The following SULT1E1 variants were observed in gnomAD, a reference collection of about 807,000 sequenced individuals.
The protein encoded by SULT1E1 is sulfotransferase family 1E member 1.
In SULT1E1, 36 loss-of-function variants were observed where a neutral mutation model predicts 33.6. That is an observed-to-expected ratio of 1.07 (90% CI 0.82 to 1.41). SULT1E1 has a LOEUF of 1.41. Ranked by LOEUF, SULT1E1 falls within the 40% of genes most tolerant of loss-of-function variation. The pLI is 0.00. For synonymous variants in SULT1E1, 121 were observed against 111.7 expected (o/e 1.08, Z -0.53); for missense variants, 371 against 345.7 (o/e 1.07, Z -0.58).
downstream of SULT1E1, among the ~76,000 whole-genome samples, chr4:69,841,033 C>T (rs1439205687): frequency 6.6e-6 from 1 of 151,740 alleles, no homozygotes; most frequent in Non-Finnish European, 1.5e-5. Context: ...GCCTGGGAGA[C>T]AGAGTGAGAC....
intron 4 of SULT1E1, among the ~76,000 whole-genome samples, chr4:69,851,591 A>G (rs1019599851): frequency 1.3e-5 from 2 of 152,164 alleles, no homozygotes; most frequent in African/African-American, 2.4e-5. Flanking sequence ...CTAGAACTAG[A>G]AATACCATTT....
At chr4:69,840,964 G>C (rs950237435), downstream of SULT1E1, among the ~76,000 whole-genome samples, 1 of 152,028 alleles carries the variant, frequency 6.6e-6, no homozygotes, top group Non-Finnish European at 1.5e-5. Context: ...GAGAATGGCG[G>C]GAACCCAGGA....
At chr4:69,837,005 C>T (rs1448427134), downstream of SULT1E1, among the ~76,000 whole-genome samples, 1 of 151,982 alleles carries the variant, frequency 6.6e-6, no homozygotes, top group African/African-American at 2.4e-5. Flanking sequence ...ATGAAATAAG[C>T]CCAGGAGTTT....
the SULT1E1 span, among the ~76,000 whole-genome samples, chr4:69,822,203 G>T: frequency 0.044 from 6,668 of 152,198 alleles, 215 homozygotes; most frequent in East Asian, 0.082. Flanking sequence ...ACAGATCAGG[G>T]TAACTTATTC....
intron 4 of SULT1E1, among the ~76,000 whole-genome samples, chr4:69,853,762 T>G (rs1212795579): frequency 6.6e-6 from 1 of 152,174 alleles, no homozygotes; most frequent in Non-Finnish European, 1.5e-5. Flanking sequence ...TTATCTGACC[T>G]ATCCTTTTAT....
chr4:69,848,541 AC>A, intron 5 of SULT1E1, among the ~76,000 whole-genome samples: 1 of 152,070 alleles, frequency 6.6e-6, no homozygotes, highest in South Asian at 2.1e-4. Flanking sequence ...AAAATGTTCT[AC>A]AGTGAAATTT....
chr4:69,831,589 G>GA, the SULT1E1 span, among the ~76,000 whole-genome samples: 1 of 152,132 alleles, frequency 6.6e-6, no homozygotes, highest in Non-Finnish European at 1.5e-5. Context: ...ATAATCCCCT[G>GA]AAAAAACTTT....
the SULT1E1 span, among the ~76,000 whole-genome samples, chr4:69,829,120 T>C: frequency 3.7e-3 from 560 of 152,242 alleles, 5 homozygotes; most frequent in African/African-American, 0.013. Flanking sequence ...AAAAACCAAG[T>C]GGCACTTGCT....
intron 4 of SULT1E1, among the ~76,000 whole-genome samples, chr4:69,850,585 C>T (rs1233536387): frequency 1.3e-5 from 2 of 152,026 alleles, no homozygotes; most frequent in Non-Finnish European, 2.9e-5. Context: ...CCATCATTAG[C>T]CATATTGAAC....
the SULT1E1 span, among the ~76,000 whole-genome samples, chr4:69,833,968 C>G: frequency 6.6e-6 from 1 of 152,290 alleles, no homozygotes; most frequent in East Asian, 1.9e-4. Context: ...CATTTTACCA[C>G]TCCATCCTTT....
At chr4:69,853,375 TCTTAA>T (rs1174206654) in intron 4 of SULT1E1, among the ~76,000 whole-genome samples, 1 of 152,158 alleles carries the variant, frequency 6.6e-6, no homozygotes, top group East Asian at 1.9e-4. Flanking sequence ...AGTCCAAACA[TCTTAA>T]CTTGACTTTC....
At chr4:69,829,738 A>AG in the SULT1E1 span, among the ~76,000 whole-genome samples, 10 of 152,332 alleles carry the variant, frequency 6.6e-5, no homozygotes, top group African/African-American at 2.2e-4. Flanking sequence ...TTTGACCGAT[A>AG]GAAAGGCCTT....
intron 6 of SULT1E1, 71 bp from the exon 7 acceptor site, chr4:69,844,412 A>AGGTTT: frequency 8.3e-7 from 1 of 1,203,086 alleles, no homozygotes; most frequent in Non-Finnish European, 1.2e-6. Flanking sequence ...TGAAAGAGAA[A>AGGTTT]AAATAAACCT....
At chr4:69,824,953 G>C in the SULT1E1 span, among the ~76,000 whole-genome samples, 1 of 152,136 alleles carries the variant, frequency 6.6e-6, no homozygotes, top group African/African-American at 2.4e-5. Flanking sequence ...TCACTCTTTG[G>C]GTTGCTCTTT....
At chr4:69,854,675 C>T (rs1271757946) in intron 3 of SULT1E1, among the ~76,000 whole-genome samples, 1 of 151,846 alleles carries the variant, frequency 6.6e-6, no homozygotes, top group Non-Finnish European at 1.5e-5. Flanking sequence ...AATAAAATTT[C>T]ATCACCTGAG....
chr4:69,825,166 C>T, the SULT1E1 span, among the ~76,000 whole-genome samples: 5 of 151,848 alleles, frequency 3.3e-5, no homozygotes, highest in East Asian at 9.7e-4. Flanking sequence ...GAACAAACAA[C>T]TCCAGATGTG....
At chr4:69,823,947 C>T in the SULT1E1 span, among the ~76,000 whole-genome samples, 4 of 152,150 alleles carry the variant, frequency 2.6e-5, no homozygotes, top group African/African-American at 7.2e-5. Context: ...ATCTCTCTGG[C>T]TTGAGAACAT....
intron 4 of SULT1E1, among the ~76,000 whole-genome samples, chr4:69,851,631 C>A (rs553938957): frequency 6.6e-6 from 1 of 152,228 alleles, no homozygotes; most frequent in South Asian, 2.1e-4. Context: ...TGGGTATATA[C>A]CCAAAGGATT....
rs201902818 is a variant in SULT1E1, at chr4:69,844,253, G to A, written c.680C>T (p.Ser227Leu). 26 of 1,613,700 alleles carry A rather than the reference G, an allele frequency of 1.6e-5. No individual in the cohort carries two copies. The highest frequency in any genetic ancestry group is 1.5e-4 in the Admixed American group (9 of 60,002). Residue 227 changes from serine to leucine, a missense_variant, in exon 7 of 8, where the codon TCG (serine) becomes TTG (leucine). Transcript: ENST00000226444. ...ELVDRIIHHT[S>L]FQEMKNNPST... ...TGGATTGTTCTTCATCTCTTGGAAC[G>A]AAGTATGATGTATAATCCTGTCCAC... is the stretch of plus-strand genomic sequence containing the variant.
Sources: gnomAD v4.1 joint callset for allele counts (sites outside exome capture counted in the v4.1 genomes callset) on GRCh38, gnomAD v4.1.1 for gene constraint, MANE v1.5 for transcripts, NCBI Gene and HGNC (gene_info 2026-07-23, HGNC 2026-07-21) for gene names.